TRMT9B: variants seen among roughly 807,000 people sequenced by gnomAD.
TRMT9B encodes tRNA methyltransferase 9B (putative).
TRMT9B carries 16 observed loss-of-function variants against 11.5 expected under a neutral mutation model. That is an observed-to-expected ratio of 1.39 (90% CI 0.94 to 2.11). The LOEUF is 2.11. TRMT9B is among the 30% of genes most tolerant of loss of function. The pLI is 0.00. For missense variants in TRMT9B, 941 were observed against 553.8 expected (o/e 1.70, Z -7.02); for synonymous variants, 274 against 192.4 (o/e 1.42, Z -3.51).
chr8:12,995,966 A>G (rs77368289), intron 2 of TRMT9B, among the ~76,000 whole-genome samples: 11,852 of 152,266 alleles, frequency 0.078, 687 homozygotes, highest in African/African-American at 0.16. Flanking sequence ...TACATTTTTC[A>G]TAAGGTACTG....
chr8:12,999,867 C>G (rs1809081858), intron 2 of TRMT9B, among the ~76,000 whole-genome samples: 1 of 152,152 alleles, frequency 6.6e-6, no homozygotes, highest in African/African-American at 2.4e-5. Flanking sequence ...GGATGCAAAA[C>G]TGTCCGGTTT....
chr8:12,946,523 C>T (rs1289062141), intron 1 of TRMT9B, among the ~76,000 whole-genome samples: 6 of 152,032 alleles, frequency 3.9e-5, no homozygotes, highest in African/African-American at 1.2e-4. Flanking sequence ...TTTAGGTGCA[C>T]GGAGGGCGAA....
Position 13,020,980 on chromosome 8 carries a change from C to T in TRMT9B, c.329-28C>T, listed in dbSNP as rs183285576. The T allele has an allele frequency of 3.4e-6, 5 of 1,454,340 alleles. No homozygotes were observed. In the African/African-American group the frequency reaches 5.7e-5, roughly 16 times the overall value. The allele number at this position is 1,454,340 out of a possible 1,614,324, so 90.1% of individuals were successfully genotyped here. On this transcript the variant is annotated intron_variant, in intron 4 of 4. Coordinates refer to ENST00000524591, the MANE Select transcript of TRMT9B (RefSeq NM_020844.3). ...GTGTGGGTTTATGTGTGTGCATACA[C>T]ACTGAGATCTAGTTTTGTCTTTTTC...
chr8:13,014,496 G>A (rs746061992), intron 4 of TRMT9B, among the ~76,000 whole-genome samples: 4 of 152,040 alleles, frequency 2.6e-5, no homozygotes, highest in South Asian at 2.1e-4. Flanking sequence ...GAGAGATAGA[G>A]CAAGCTCTCT....
chr8:13,010,693 A>G, intron 3 of TRMT9B: 1 of 984,954 alleles, frequency 1.0e-6, no homozygotes, highest in Non-Finnish European at 1.2e-6. Context: ...TTTTATTAAT[A>G]TCATTGAAGT....
At chr8:12,960,957 G>T (rs984747783) in intron 1 of TRMT9B, among the ~76,000 whole-genome samples, 5 of 152,022 alleles carry the variant, frequency 3.3e-5, no homozygotes, top group Admixed American at 1.3e-4. Flanking sequence ...CCTGGCCAAA[G>T]TAGTGAAACC....
intron 1 of TRMT9B, among the ~76,000 whole-genome samples, chr8:12,965,713 G>A (rs572395123): frequency 2.0e-5 from 3 of 151,932 alleles, no homozygotes; most frequent in Non-Finnish European, 4.4e-5. Flanking sequence ...AGTGGCAGCC[G>A]ACAGCAAGGT....
chr8:12,966,267 T>C (rs151252710), intron 1 of TRMT9B, among the ~76,000 whole-genome samples: 136 of 152,230 alleles, frequency 8.9e-4, no homozygotes, highest in African/African-American at 3.1e-3. Context: ...AGTGAGACCT[T>C]GTCTCTGTGC....
chr8:13,020,032 A>C (rs925197049), intron 4 of TRMT9B, among the ~76,000 whole-genome samples: 1 of 152,184 alleles, frequency 6.6e-6, no homozygotes, highest in Non-Finnish European at 1.5e-5. Context: ...ACACAACCCC[A>C]TTTTTGATAT....
At chr8:13,013,541 ATAT>A (rs1338775693) in intron 4 of TRMT9B, among the ~76,000 whole-genome samples, 135 of 152,360 alleles carry the variant, frequency 8.9e-4, no homozygotes, top group African/African-American at 3.0e-3. Context: ...CCATATTTAA[ATAT>A]GCAGGGAAAC....
At chr8:12,975,660 C>T (rs966152466) in intron 1 of TRMT9B, among the ~76,000 whole-genome samples, 1 of 152,120 alleles carries the variant, frequency 6.6e-6, no homozygotes, top group Admixed American at 6.6e-5. Flanking sequence ...ATCCTTTGAA[C>T]CCGTGAGGTG....
intron 1 of TRMT9B, among the ~76,000 whole-genome samples, chr8:12,980,795 C>G (rs1261858638): frequency 2.0e-5 from 3 of 152,118 alleles, no homozygotes; most frequent in Admixed American, 6.5e-5. Context: ...AGAGAGGGAA[C>G]AGACAAGCAA....
rs1585450793 is a variant in TRMT9B, at chr8:13,024,087, A to G, written c.*2043A>G. The G allele has an allele frequency of 8.1e-6, 1 of 122,866 alleles. No individual in the cohort carries two copies. Among genetic ancestry groups the G allele is most frequent in the Non-Finnish European group, 1.6e-5 (1 of 62,468 alleles). 7.6% of individuals were successfully genotyped at this position (122,866 alleles called of 1,614,324 possible). A position where few individuals can be genotyped will look rare whatever the true frequency, so the allele number is the denominator to read the frequency against. ...GAGACAGAGTCTCGCTCTGTCGCCC[A>G]GGCTGGAGTGCACTGGCGCGATCTC... On this transcript the variant is annotated 3_prime_UTR_variant, in exon 5 of 5. Transcript: ENST00000524591.
chr8:12,971,304 A>G (rs1186989653), intron 1 of TRMT9B, among the ~76,000 whole-genome samples: 4 of 152,034 alleles, frequency 2.6e-5, no homozygotes, highest in Non-Finnish European at 4.4e-5. Context: ...CTAAGAGGAA[A>G]GAGCATGTAC....
intron 4 of TRMT9B, among the ~76,000 whole-genome samples, chr8:13,017,076 T>TTCACTG (rs370455206): frequency 0.35 from 52,658 of 150,314 alleles, 9,794 homozygotes; most frequent in Middle Eastern, 0.54. Context: ...GTGAACCAGG[T>TTCACTG]CACACCACTG....
chr8:12,957,590 G>A (rs993269834), intron 1 of TRMT9B, among the ~76,000 whole-genome samples: 23 of 152,210 alleles, frequency 1.5e-4, no homozygotes, highest in African/African-American at 5.5e-4. Context: ...TTCAAGCCAG[G>A]ACACTTTTGA....
chr8:12,975,710 T>A (rs556872899), intron 1 of TRMT9B, among the ~76,000 whole-genome samples: 2 of 151,700 alleles, frequency 1.3e-5, no homozygotes, highest in African/African-American at 2.4e-5. Context: ...TGCACTCCAG[T>A]GTGGGCGACA....
At chr8:12,969,168 C>T (rs1311739437) in intron 1 of TRMT9B, among the ~76,000 whole-genome samples, 1 of 152,164 alleles carries the variant, frequency 6.6e-6, no homozygotes, top group East Asian at 1.9e-4. Context: ...GATTGCGCCA[C>T]TGCACTCCAG....
At chr8:12,948,846 G>A (rs573817704) in intron 1 of TRMT9B, among the ~76,000 whole-genome samples, 22 of 152,222 alleles carry the variant, frequency 1.4e-4, no homozygotes, top group African/African-American at 5.3e-4. Context: ...TGTAGTCCCC[G>A]CTACTTGGGA....
Sources: allele counts gnomAD v4.1 joint callset (sites outside exome capture counted in the v4.1 genomes callset), GRCh38; gene constraint gnomAD v4.1.1; transcripts MANE v1.5; gene names NCBI Gene and HGNC (gene_info 2026-07-23, HGNC 2026-07-21).